OCA2: variants seen among roughly 807,000 people sequenced by gnomAD.
OCA2 encodes the protein OCA2 melanosomal transmembrane protein.
A neutral mutation model predicts 100.2 loss-of-function variants in OCA2; 77 were observed. The ratio of observed to expected loss-of-function variants is 0.77; its 90% CI spans 0.64 to 0.93. The LOEUF (loss-of-function observed/expected upper bound fraction) is 0.93. Ranked by LOEUF, OCA2 falls within the 40% of genes least tolerant of loss-of-function variation. The pLI is 0.00. For synonymous variants in OCA2, 432 were observed against 439.2 expected (o/e 0.98, Z 0.21); for missense variants, 1,062 against 1,089.1 (o/e 0.98, Z 0.35).
At chr15:27,834,057 G>T (rs1002404932) in intron 23 of OCA2, among the ~76,000 whole-genome samples, 1 of 152,114 alleles carries the variant, frequency 6.6e-6, no homozygotes, top group Non-Finnish European at 1.5e-5. Context: ...GCAGCTCTTG[G>T]GGGCCCTAGA....
chr15:27,774,889 T>C (rs1315464663), intron 23 of OCA2, among the ~76,000 whole-genome samples: 3 of 152,148 alleles, frequency 2.0e-5, no homozygotes, highest in African/African-American at 7.2e-5. Flanking sequence ...CACCTTGACC[T>C]TGGACTTCCA....
intron 9 of OCA2, among the ~76,000 whole-genome samples, chr15:28,002,957 G>C (rs2041973715): frequency 6.6e-6 from 1 of 152,216 alleles, no homozygotes; most frequent in Non-Finnish European, 1.5e-5. Flanking sequence ...CAGAACAATA[G>C]ATCCCAGAGC....
intron 9 of OCA2, among the ~76,000 whole-genome samples, chr15:28,010,141 A>T (rs954935990): frequency 4.6e-5 from 7 of 152,148 alleles, no homozygotes; most frequent in Non-Finnish European, 7.3e-5. Context: ...TGCTGACAAA[A>T]CTCAACACCC....
At chr15:27,914,741 T>A (rs1239641299) in intron 19 of OCA2, among the ~76,000 whole-genome samples, 1 of 152,164 alleles carries the variant, frequency 6.6e-6, no homozygotes, top group Non-Finnish European at 1.5e-5. Flanking sequence ...AAACTTTCCA[T>A]GCTCATGGAT....
chr15:27,785,054 A>T (rs1272791154), intron 23 of OCA2, among the ~76,000 whole-genome samples: 1 of 152,230 alleles, frequency 6.6e-6, no homozygotes, highest in East Asian at 1.9e-4. Context: ...TGCCATACAC[A>T]AACTTCTGAA....
intron 9 of OCA2, among the ~76,000 whole-genome samples, chr15:28,012,820 GTAAC>G (rs1301093524): frequency 9.9e-5 from 15 of 152,244 alleles, no homozygotes; most frequent in African/African-American, 3.6e-4. Context: ...ATTAATGACT[GTAAC>G]TAATTAAAGC....
downstream of OCA2, among the ~76,000 whole-genome samples, chr15:27,751,658 C>G (rs2150963581): frequency 6.6e-6 from 1 of 152,328 alleles, no homozygotes; most frequent in Admixed American, 6.5e-5. Context: ...TGCCCTGCCA[C>G]TTGGGCCTTG....
intron 21 of OCA2, among the ~76,000 whole-genome samples, chr15:27,851,730 C>T (rs895993533): frequency 3.3e-5 from 5 of 152,008 alleles, no homozygotes; most frequent in Admixed American, 1.3e-4. Context: ...GGCTCTTATA[C>T]GGGGTAAAGG....
In OCA2 at chr15:27,761,832, AT is replaced by A. The variant is rs35196752; in HGVS notation, c.2433-6361del. ...AGACCCATAAAGACATGCCCAACTT[AT>A]TTTTTTTAAGATATGGGGTCTCATT... On this transcript the variant is annotated intron_variant, in intron 23 of 23. Coordinates refer to ENST00000354638, the MANE Select transcript of OCA2 (RefSeq NM_000275.3). 2.0e-5 allele frequency among the ~76,000 whole-genome samples: 3 copies of A among 152,034 alleles called. No homozygotes were observed. In the East Asian group the frequency reaches 5.8e-4, roughly 29 times the overall value.
chr15:27,968,224 T>A (rs1055568564), intron 14 of OCA2, among the ~76,000 whole-genome samples: 5 of 152,232 alleles, frequency 3.3e-5, no homozygotes, highest in African/African-American at 1.2e-4. Flanking sequence ...GCAGGACAGA[T>A]GAGGCTCTTA....
chr15:27,761,720 C>T (rs1172394302), intron 23 of OCA2, among the ~76,000 whole-genome samples: 2 of 152,160 alleles, frequency 1.3e-5, no homozygotes, highest in Non-Finnish European at 1.5e-5. Context: ...TGAAGGTCTA[C>T]TATGTAGCAC....
chr15:28,055,097 G>A lies in OCA2; in HGVS notation c.228-22934C>T, dbSNP rs577738141. ...GGGGACACAGAGCCAAACCCTATCAGTTCCTCTCCAAATGCGTGTCCACTT... is the reference window on the plus strand; with the variant it reads ...GGGGACACAGAGCCAAACCCTATCAATTCCTCTCCAAATGCGTGTCCACTT... On this transcript the variant is annotated intron_variant, in intron 2 of 23. Coordinates refer to ENST00000354638, the MANE Select transcript of OCA2 (RefSeq NM_000275.3). Among the ~76,000 whole-genome samples the A allele has an allele frequency of 1.6e-4, 24 of 152,326 alleles. No individual in the cohort carries two copies. The East Asian group carries it at 4.4e-3, about 28-fold the overall frequency.
chr15:27,951,170 G>A (rs1165943449), intron 18 of OCA2, among the ~76,000 whole-genome samples: 1 of 152,236 alleles, frequency 6.6e-6, no homozygotes, highest in African/African-American at 2.4e-5. Context: ...CCCCCTGAGA[G>A]AGCCACATCT....
At chr15:27,955,751 A>T (rs1288125311) in intron 16 of OCA2, among the ~76,000 whole-genome samples, 1 of 152,158 alleles carries the variant, frequency 6.6e-6, no homozygotes, top group Admixed American at 6.5e-5. Context: ...ACTTGAGGCC[A>T]GCAGTTGGGG....
chr15:27,904,504 GAGA>G (rs887465808), intron 19 of OCA2, among the ~76,000 whole-genome samples: 3 of 152,164 alleles, frequency 2.0e-5, no homozygotes, highest in African/African-American at 4.8e-5. Context: ...GGCAGCCCCA[GAGA>G]AGAAGAGGGA....
At chr15:27,982,083 A>T (rs2041184066) in intron 14 of OCA2, among the ~76,000 whole-genome samples, 1 of 152,072 alleles carries the variant, frequency 6.6e-6, no homozygotes, top group African/African-American at 2.4e-5. Flanking sequence ...TTGTTTGACT[A>T]TCCCAGGCAA....
chr15:27,813,766 A>C (rs2034171171), intron 23 of OCA2, among the ~76,000 whole-genome samples: 1 of 152,222 alleles, frequency 6.6e-6, no homozygotes, highest in Non-Finnish European at 1.5e-5. Context: ...AATCCAATGC[A>C]TCTTCAGAAA....
At chr15:27,774,285 T>C (rs1417202753) in intron 23 of OCA2, among the ~76,000 whole-genome samples, 1 of 152,222 alleles carries the variant, frequency 6.6e-6, no homozygotes. Flanking sequence ...CCCGCCTCTC[T>C]CTGGCAGTGA....
chr15:27,818,382 C>T (rs1313553076), intron 23 of OCA2, among the ~76,000 whole-genome samples: 2 of 152,102 alleles, frequency 1.3e-5, no homozygotes, highest in Non-Finnish European at 2.9e-5. Context: ...GAGTGAGACT[C>T]CATCTCCAAA....
Sources: allele counts gnomAD v4.1 joint callset (sites outside exome capture counted in the v4.1 genomes callset), GRCh38; gene constraint gnomAD v4.1.1; transcripts MANE v1.5; gene names NCBI Gene and HGNC (gene_info 2026-07-23, HGNC 2026-07-21).